DLGAP2: variants seen among roughly 807,000 people sequenced by gnomAD.
DLGAP2 encodes the protein DLG associated protein 2, also known as disks large-associated protein 2.
A neutral mutation model predicts 100.3 loss-of-function variants in DLGAP2; 26 were observed. That is an observed-to-expected ratio of 0.26 (90% CI 0.19 to 0.36). The LOEUF is 0.36. Ranked by LOEUF, DLGAP2 falls within the 10% of genes least tolerant of loss-of-function variation. DLGAP2 has a pLI of 1.00. For missense variants in DLGAP2, 1,858 were observed against 1,453.2 expected (o/e 1.28, Z -4.53); for synonymous variants, 886 against 630.1 (o/e 1.41, Z -6.08).
chr8:1,534,148 A>C (rs765870883), intron 4 of DLGAP2, among the ~76,000 whole-genome samples: 9 of 152,242 alleles, frequency 5.9e-5, no homozygotes, highest in Non-Finnish European at 1.3e-4. Flanking sequence ...AAGGTAAAAG[A>C]GAAAGATTGA....
chr8:833,244 C>A (rs1366360061), intron 1 of DLGAP2, among the ~76,000 whole-genome samples: 1 of 152,204 alleles, frequency 6.6e-6, no homozygotes, highest in African/African-American at 2.4e-5. Flanking sequence ...AGTCAGCACT[C>A]CAGTACCCAT....
At chr8:1,440,507 A>G (rs898742010) in intron 3 of DLGAP2, among the ~76,000 whole-genome samples, 1 of 152,250 alleles carries the variant, frequency 6.6e-6, no homozygotes, top group African/African-American at 2.4e-5. Context: ...GAGAAAACCC[A>G]GAGAGTCTGA....
At chr8:1,087,499 C>CT (rs1804013665) in intron 2 of DLGAP2, among the ~76,000 whole-genome samples, 1 of 151,070 alleles carries the variant, frequency 6.6e-6, no homozygotes, top group African/African-American at 2.4e-5. Flanking sequence ...TAATCTCAGA[C>CT]ATTTTGTTTA....
chr8:1,335,636 G>A (rs937984278), intron 3 of DLGAP2, among the ~76,000 whole-genome samples: 5 of 152,240 alleles, frequency 3.3e-5, no homozygotes, highest in African/African-American at 7.2e-5. Flanking sequence ...TGGTCATGAC[G>A]TATGAGTAGG....
chr8:796,327 G>A (rs1235136322), intron 1 of DLGAP2, among the ~76,000 whole-genome samples: 3 of 152,132 alleles, frequency 2.0e-5, no homozygotes, highest in South Asian at 2.1e-4. Context: ...CTGGCCACTC[G>A]CTCCTGGGAG....
chr8:1,126,259 A>G (rs1022414457), intron 2 of DLGAP2, among the ~76,000 whole-genome samples: 1 of 152,212 alleles, frequency 6.6e-6, no homozygotes, highest in South Asian at 2.1e-4. Flanking sequence ...GATTTTTTTA[A>G]GTAGGTAGGT....
At chr8:1,176,231 T>A (rs1797252227) in intron 2 of DLGAP2, among the ~76,000 whole-genome samples, 1 of 152,128 alleles carries the variant, frequency 6.6e-6, no homozygotes. Context: ...GCTGCCACTT[T>A]CAAACCATCA....
chr8:1,529,923 G>A (rs1800933255), intron 4 of DLGAP2, among the ~76,000 whole-genome samples: 1 of 152,228 alleles, frequency 6.6e-6, no homozygotes, highest in Non-Finnish European at 1.5e-5. Context: ...AAAGGGGAGG[G>A]AGTGTGCGAA....
At chr8:1,182,323 C>G (rs183662380) in intron 2 of DLGAP2, among the ~76,000 whole-genome samples, 24 of 152,364 alleles carry the variant, frequency 1.6e-4, no homozygotes, top group African/African-American at 4.3e-4. Context: ...TGTGGCAGTG[C>G]TCACACACAC....
At chr8:1,661,635 G>T (rs1798411258) in intron 8 of DLGAP2, among the ~76,000 whole-genome samples, 1 of 152,176 alleles carries the variant, frequency 6.6e-6, no homozygotes. Context: ...ATGATGGGTT[G>T]GGCAGTCAGA....
chr8:1,163,904 A>G (rs1183719987), intron 2 of DLGAP2, among the ~76,000 whole-genome samples: 2 of 152,132 alleles, frequency 1.3e-5, no homozygotes, highest in Non-Finnish European at 2.9e-5. Flanking sequence ...CAGGAGAGAA[A>G]GTCCGGCGTC....
chr8:1,444,366 C>T (rs1181522985), intron 3 of DLGAP2, among the ~76,000 whole-genome samples: 1 of 152,192 alleles, frequency 6.6e-6, no homozygotes, highest in Non-Finnish European at 1.5e-5. Context: ...ACCAAATACT[C>T]AAATTGCTAC....
At chr8:1,503,637 G>A (rs1201597475) in intron 4 of DLGAP2, among the ~76,000 whole-genome samples, 2 of 152,152 alleles carry the variant, frequency 1.3e-5, no homozygotes, top group African/African-American at 2.4e-5. Context: ...GTCCAGAAGT[G>A]GAATTGGTGG....
At chr8:840,850 A>T (rs949410601) in intron 1 of DLGAP2, among the ~76,000 whole-genome samples, 1 of 152,230 alleles carries the variant, frequency 6.6e-6, no homozygotes, top group Non-Finnish European at 1.5e-5. Context: ...CACATCGTGC[A>T]TTCGTCTGTG....
chr8:1,566,787 A>G (rs922442554), intron 6 of DLGAP2, among the ~76,000 whole-genome samples: 1 of 152,386 alleles, frequency 6.6e-6, no homozygotes, highest in East Asian at 1.9e-4. Context: ...ACATCTAGTT[A>G]TTCATCGCTG....
intron 6 of DLGAP2, among the ~76,000 whole-genome samples, chr8:1,582,599 T>C (rs1056015912): frequency 3.4e-4 from 51 of 151,700 alleles, no homozygotes; most frequent in African/African-American, 1.2e-3. Context: ...TCTTTTCTTT[T>C]CCCCCGCCAA....
chr8:1,201,414 C>T (rs1797871148), intron 2 of DLGAP2, among the ~76,000 whole-genome samples: 1 of 152,182 alleles, frequency 6.6e-6, no homozygotes, highest in African/African-American at 2.4e-5. Context: ...CCCTGCAGGG[C>T]TTCAAGGATT....
chr8:1,047,783 G>A (rs1002552259), intron 2 of DLGAP2, among the ~76,000 whole-genome samples: 5 of 151,954 alleles, frequency 3.3e-5, no homozygotes, highest in African/African-American at 1.2e-4. Flanking sequence ...CCTTCCAAAG[G>A]CCCCACCTCC....
At chr8:1,063,450 A>G (rs1048905560) in intron 2 of DLGAP2, among the ~76,000 whole-genome samples, 8 of 151,846 alleles carry the variant, frequency 5.3e-5, no homozygotes, top group Non-Finnish European at 8.8e-5. Flanking sequence ...CACCTGTGCA[A>G]TCCACAAGAC....
Sources: gnomAD v4.1 joint callset for allele counts (sites outside exome capture counted in the v4.1 genomes callset) on GRCh38, gnomAD v4.1.1 for gene constraint, MANE v1.5 for transcripts, NCBI Gene and HGNC (gene_info 2026-07-23, HGNC 2026-07-21) for gene names.